Variants in GPC6 observed in about 807,000 individuals in gnomAD.
The protein encoded by GPC6 is glypican 6, also known as glypican-6.
In GPC6, 14 loss-of-function variants were observed where a neutral mutation model predicts 55.2. That is an observed-to-expected ratio of 0.25 (90% CI 0.17 to 0.40). The LOEUF is 0.40. GPC6 is among the 10% of genes least tolerant of loss of function. The pLI, the probability that GPC6 is intolerant of heterozygous loss-of-function variation, is 1.00. For synonymous variants in GPC6, 278 were observed against 259.6 expected, an observed-to-expected ratio of 1.07 and a Z score of -0.68; for missense variants, 641 against 708.5, an observed-to-expected ratio of 0.90 and a Z score of 1.08.
intron 4 of GPC6, among the ~76,000 whole-genome samples, chr13:94,055,691 A>G (rs549408772): frequency 2.0e-5 from 3 of 152,182 alleles, no homozygotes; most frequent in African/African-American, 7.2e-5. Flanking sequence ...AGTTTTTGCA[A>G]CCTGGAATTT....
At chr13:93,248,437 G>GTTTTTTTTTTTTT (rs74531292) in intron 1 of GPC6, among the ~76,000 whole-genome samples, 5 of 137,180 alleles carry the variant, frequency 3.6e-5, no homozygotes, top group Non-Finnish European at 7.9e-5. Context: ...CACAAAAAGT[G>GTTTTTTTTTTTTT]TTTTTTTTTT....
At chr13:93,733,710 TG>T (rs1883905667) in intron 2 of GPC6, among the ~76,000 whole-genome samples, 1 of 152,040 alleles carries the variant, frequency 6.6e-6, no homozygotes, top group South Asian at 2.1e-4. Flanking sequence ...GAGAAATATT[TG>T]TATGGAGAGC....
chr13:94,240,255 G>A (rs576490090), intron 4 of GPC6, among the ~76,000 whole-genome samples: 10 of 152,200 alleles, frequency 6.6e-5, no homozygotes, highest in African/African-American at 1.9e-4. Context: ...ATAGGCAACC[G>A]CCCTGGGGCT....
chr13:94,053,006 GT>G (rs1352002543), intron 4 of GPC6, among the ~76,000 whole-genome samples: 2 of 152,084 alleles, frequency 1.3e-5, no homozygotes, highest in African/African-American at 2.4e-5. Context: ...ATCACCTCCC[GT>G]TTTCTCAAGC....
intron 2 of GPC6, among the ~76,000 whole-genome samples, chr13:93,593,790 A>G (rs1877597123): frequency 6.6e-6 from 1 of 152,188 alleles, no homozygotes; most frequent in Admixed American, 6.5e-5. Flanking sequence ...TATAATGATC[A>G]TCTTTTGGAA....
At chr13:94,331,191 C>T (rs68151129) in intron 6 of GPC6, among the ~76,000 whole-genome samples, 21,772 of 152,018 alleles carry the variant, frequency 0.14, 1,758 homozygotes, top group East Asian at 0.28. Flanking sequence ...CTATGACCTA[C>T]GGGCCGAGCC....
chr13:93,983,581 A>G (rs923681488), intron 3 of GPC6, among the ~76,000 whole-genome samples: 5 of 152,120 alleles, frequency 3.3e-5, no homozygotes, highest in African/African-American at 9.7e-5. Flanking sequence ...GACTACAGGC[A>G]TAACCCCACT....
intron 1 of GPC6, among the ~76,000 whole-genome samples, chr13:93,519,218 A>G (rs1470011728): frequency 6.6e-6 from 1 of 152,020 alleles, no homozygotes; most frequent in Non-Finnish European, 1.5e-5. Context: ...ATTCAAACTG[A>G]CCATCCTCCA....
chr13:93,464,280 G>A (rs1176307624), intron 1 of GPC6, among the ~76,000 whole-genome samples: 1 of 152,148 alleles, frequency 6.6e-6, no homozygotes, highest in African/African-American at 2.4e-5. Flanking sequence ...AGTGAAGTTT[G>A]TTGCATTGAT....
chr13:93,581,328 T>A, intron 2 of GPC6, among the ~76,000 whole-genome samples: 1 of 152,178 alleles, frequency 6.6e-6, no homozygotes, highest in East Asian at 1.9e-4. Context: ...ATAAGAACAC[T>A]GAAATCAGAA....
At chr13:93,396,122 A>G (rs1289099558) in intron 1 of GPC6, among the ~76,000 whole-genome samples, 2 of 152,292 alleles carry the variant, frequency 1.3e-5, no homozygotes, top group East Asian at 3.9e-4. Flanking sequence ...TAAACACACA[A>G]TGGTAAAGGT....
At chr13:93,456,872 A>G (rs1878473562) in intron 1 of GPC6, among the ~76,000 whole-genome samples, 1 of 152,020 alleles carries the variant, frequency 6.6e-6, no homozygotes. Context: ...CTGTGTCCCC[A>G]CCCGAATCTC....
At chr13:93,332,746 T>C (rs1879897900) in intron 1 of GPC6, among the ~76,000 whole-genome samples, 1 of 152,228 alleles carries the variant, frequency 6.6e-6, no homozygotes, top group Admixed American at 6.5e-5. Flanking sequence ...TTGCTTTGGT[T>C]ACCTGTGCTT....
intron 2 of GPC6, among the ~76,000 whole-genome samples, chr13:93,765,620 A>T (rs4517643): frequency 1.3e-5 from 2 of 151,512 alleles, no homozygotes; most frequent in Non-Finnish European, 1.5e-5. Context: ...ATTCATAGTA[A>T]GGTTAATCTT....
chr13:93,796,541 A>G (rs1430062799), intron 2 of GPC6, among the ~76,000 whole-genome samples: 1 of 152,182 alleles, frequency 6.6e-6, no homozygotes, highest in East Asian at 1.9e-4. Context: ...AACATATTAA[A>G]TGACGTTAAA....
At chr13:93,606,716 G>A (rs566995321) in intron 2 of GPC6, among the ~76,000 whole-genome samples, 1 of 152,176 alleles carries the variant, frequency 6.6e-6, no homozygotes, top group Non-Finnish European at 1.5e-5. Flanking sequence ...AGATCAACTA[G>A]ATGTACATCA....
At chr13:93,598,323 G>C (rs1280315291) in intron 2 of GPC6, among the ~76,000 whole-genome samples, 1 of 152,040 alleles carries the variant, frequency 6.6e-6, no homozygotes, top group African/African-American at 2.4e-5. Flanking sequence ...TGAATACTTA[G>C]GATGTGTCCT....
rs142821696 is a variant in GPC6, at chr13:93,411,925, C to T, written c.161-133338C>T. On this transcript the variant is annotated intron_variant, in intron 1 of 8. Coordinates refer to ENST00000377047, the MANE Select transcript of GPC6 (RefSeq NM_005708.5). ...GGCTGGGGCAGGAGAATTGCTTGAA[C>T]CTGGGAGGCAGAGGTCGCAGTGAGC... is the stretch of plus-strand genomic sequence containing the variant. 2.8e-4 allele frequency among the ~76,000 whole-genome samples: 43 copies of T among 151,806 alleles called. No homozygotes were observed. In the East Asian group the frequency reaches 8.4e-3, roughly 30 times the overall value.
At chr13:93,335,584 G>A (rs1880016535) in intron 1 of GPC6, among the ~76,000 whole-genome samples, 1 of 152,094 alleles carries the variant, frequency 6.6e-6, no homozygotes, top group African/African-American at 2.4e-5. Flanking sequence ...TAAAGATTGG[G>A]GGACTGTAGG....
Sources: allele counts gnomAD v4.1 joint callset (sites outside exome capture counted in the v4.1 genomes callset), GRCh38; gene constraint gnomAD v4.1.1; transcripts MANE v1.5; gene names NCBI Gene and HGNC (gene_info 2026-07-23, HGNC 2026-07-21).